Variants in VPS18 observed in about 807,000 individuals in gnomAD.
VPS18 encodes the protein vacuolar protein sorting-associated protein 18 homolog.
VPS18 carries 25 observed loss-of-function variants against 82.0 expected under a neutral mutation model. That is an observed-to-expected ratio of 0.30 (90% CI 0.22 to 0.43). The LOEUF (loss-of-function observed/expected upper bound fraction) is 0.43, where lower values mean the gene tolerates loss of function less well. Among genes scored for constraint, VPS18 ranks in the 20% least tolerant of loss-of-function variants. The pLI, the probability that VPS18 is intolerant of heterozygous loss-of-function variation, is 1.00. For missense variants in VPS18, 1,168 were observed against 1,311.1 expected (o/e 0.89, Z 1.69); for synonymous variants, 523 against 543.0 (o/e 0.96, Z 0.51).
chr15:40,897,415 C>T (rs1892247868), intron 2 of VPS18, among the ~76,000 whole-genome samples: 1 of 151,900 alleles, frequency 6.6e-6, no homozygotes, highest in African/African-American at 2.4e-5. Flanking sequence ...AGAAAATTTA[C>T]AAATTAAGAC....
chr15:40,901,142 C>T lies in VPS18; in HGVS notation c.2196+128C>T, dbSNP rs553447217. The stretch of plus-strand genomic sequence containing the variant: ...CCTTGCAGAGAGGGAAGGTTAAGAG[C>T]ATGGACTGTTAAGTCAGATTTGAAT... On this transcript the variant is annotated intron_variant, in intron 4 of 4. Coordinates refer to ENST00000220509, the MANE Select transcript of VPS18 (RefSeq NM_020857.3). 4 of 972,276 alleles carry T rather than the reference C, an allele frequency of 4.1e-6. No individual in the cohort carries two copies. In the East Asian group the frequency reaches 7.9e-5, roughly 19 times the overall value. 60.2% of individuals were successfully genotyped at this position (972,276 alleles called of 1,614,324 possible).
At position 40,896,060 on chromosome 15, in the gene VPS18, G is replaced by A. The variant is rs914477246; in HGVS notation, c.214G>A (p.Gly72Ser). 16 of 1,614,074 alleles carry A rather than the reference G, an allele frequency of 9.9e-6. No homozygotes were observed. The highest frequency in any genetic ancestry group is 1.4e-5 in the Non-Finnish European group (16 of 1,180,050). ...CAGCAATCAGCTGTGCATGAGCCTGGGCAAGGATACACTGCTCCGGTAATC... is the reference window on the plus strand; with the variant it reads ...CAGCAATCAGCTGTGCATGAGCCTGAGCAAGGATACACTGCTCCGGTAATC... ...VSSNQLCMSL[G>S]KDTLLRIDLG... The change falls in exon 2 of 5, where the codon GGC (glycine) becomes AGC (serine). Residue 72 changes from glycine (G) to serine (S), a missense_variant. Around this residue, in one of 3 missense-constraint regions of VPS18, gnomAD observed 868 missense variants for 939.8 expected, o/e 0.92. Coordinates refer to ENST00000220509, the MANE Select transcript of VPS18 (RefSeq NM_020857.3).
rs559667901 is a variant in VPS18 at position 40,898,233 on chromosome 15, C to T, written c.234-674C>T. Among the ~76,000 whole-genome samples the T allele has an allele frequency of 3.8e-4, 58 of 151,694 alleles. 1 individual carries two copies. Among genetic ancestry groups the T allele is most frequent in the Admixed American group, 2.0e-4 (3 of 15,252 alleles). ...CCTCCCAAAGTGCTGGGATTACAGGCGTGAGCCACCGCGCCCGGCCTTTTT... is the reference window on the plus strand; with the variant it reads ...CCTCCCAAAGTGCTGGGATTACAGGTGTGAGCCACCGCGCCCGGCCTTTTT... On this transcript the variant is annotated intron_variant, in intron 2 of 4. Coordinates refer to ENST00000220509, the MANE Select transcript of VPS18 (RefSeq NM_020857.3).
Position 40,894,734 on chromosome 15 carries a change from C to T in VPS18, c.-35C>T, listed in dbSNP as rs1291651523. 1 of 1,532,760 alleles carries T rather than the reference C, an allele frequency of 6.5e-7. No individual in the cohort carries two copies. Among genetic ancestry groups the T allele is most frequent in the Admixed American group, 2.0e-5 (1 of 49,400 alleles). 94.9% of individuals were successfully genotyped at this position (1,532,760 alleles called of 1,614,324 possible). The stretch of plus-strand genomic sequence containing the variant: ...GGGGGGGTAGCCCTTTTGTAATCCC[C>T]AGGCCCCGGACAAAGAGCCCAGAGG... On this transcript the variant is annotated 5_prime_UTR_variant, in exon 1 of 5. Coordinates refer to ENST00000220509, the MANE Select transcript of VPS18 (RefSeq NM_020857.3).
chr15:40,901,706 G>A (rs1028314102), intron 4 of VPS18, among the ~76,000 whole-genome samples: 7 of 152,150 alleles, frequency 4.6e-5, no homozygotes, highest in Non-Finnish European at 1.0e-4. Context: ...AGGAGTTCGA[G>A]ACCAGCCTGG....
Position 40,899,581 on chromosome 15 carries a change from C to G in VPS18, c.763C>G (p.Pro255Ala). The G allele has an allele frequency of 6.2e-7, 1 of 1,608,490 alleles. No individual in the cohort carries two copies. Among genetic ancestry groups the G allele is most frequent in the Non-Finnish European group, 8.5e-7 (1 of 1,180,014 alleles). ...SGLFAAYTDH[P>A]PPFREFPSNL... ...GCTCTTTGCAGCTTACACGGACCAC[C>G]CACCCCCATTCCGTGAGTTTCCCAG... is the stretch of plus-strand genomic sequence containing the variant. The change falls in exon 4 of 5, where the codon CCA becomes GCA. Residue 255 changes from proline to alanine, a missense_variant. Physicochemically the swap from Pro to Ala is conservative, Grantham distance 27 (BLOSUM62 -1). This residue lies in a region of VPS18 where 868 missense variants were observed against 939.8 expected (regional missense o/e 0.92). Coordinates refer to ENST00000220509, the MANE Select transcript of VPS18 (RefSeq NM_020857.3). The surrounding 1 kb of genome is among the most constrained non-coding windows in gnomAD (Gnocchi z 4.4).
chr15:40,896,136 T>C, intron 2 of VPS18, 57 bp downstream of exon 2: 8 of 1,600,952 alleles, frequency 5.0e-6, no homozygotes, highest in Non-Finnish European at 6.8e-6. Context: ...TTGGGGACTG[T>C]TAACTCACTG....
rs781369670 is a variant in VPS18, at chr15:40,899,310, T to C, written c.492T>C (p.Thr164=). ...ESSTGPILVG[T]AQGHIFEAEL... ...GCACAGGCCCCATCCTGGTCGGGACTGCCCAAGGCCACATCTTTGAAGCAG... is the reference window on the plus strand; with the variant it reads ...GCACAGGCCCCATCCTGGTCGGGACCGCCCAAGGCCACATCTTTGAAGCAG... The change falls in exon 4 of 5, where the codon ACT becomes ACC. Residue 164 remains threonine (T), a synonymous_variant. Coordinates refer to ENST00000220509, the MANE Select transcript of VPS18 (RefSeq NM_020857.3). This position sits in a 1 kb window ranked among gnomAD's most constrained non-coding sequence, Gnocchi z 4.4. The C allele has an allele frequency of 9.5e-5, 154 of 1,614,076 alleles. No homozygotes were observed. The highest frequency in any genetic ancestry group is 1.6e-4 in the Middle Eastern group (1 of 6,084).
chr15:40,894,511 A>T lies in VPS18; in HGVS notation c.-258A>T. Reference sequence around the variant, plus strand: ...TGGCACCGGCTGAAGGGAGCCTGTGATTTTTTTGTAGCGGGGGCGGGGAGT... The same window carrying T: ...TGGCACCGGCTGAAGGGAGCCTGTGTTTTTTTTGTAGCGGGGGCGGGGAGT... On this transcript the variant is annotated 5_prime_UTR_variant, in exon 1 of 5. Transcript: ENST00000220509. 2.6e-6 allele frequency: 1 copy of T among 377,466 alleles called. No homozygotes were observed. The highest frequency in any genetic ancestry group is 4.7e-6 in the Non-Finnish European group (1 of 211,098). The allele number at this position is 377,466 out of a possible 1,614,324, so 23.4% of individuals were successfully genotyped here. A position where few individuals can be genotyped will look rare whatever the true frequency, so the allele number is the denominator to read the frequency against.
rs997581661 is a variant in VPS18, at chr15:40,895,996, C to G, written c.150C>G (p.Asp50Glu). Residue 50 changes from aspartate to glutamate, a missense_variant, in exon 2 of 5, where the codon GAC becomes GAG. Asp to Glu is a conservative substitution (Grantham distance 45, BLOSUM62 2). This residue lies in a region of VPS18 where 868 missense variants were observed against 939.8 expected (regional missense o/e 0.92). Transcript: ENST00000220509. The stretch of plus-strand genomic sequence containing the variant: ...CCATCTTCACAAAGCAGCGCATTGA[C>G]TTCACCCCTTCCGAGCGCATTACCA... ...EVPIFTKQRI[D>E]FTPSERITSL... 5 of 1,614,180 alleles carry G rather than the reference C, an allele frequency of 3.1e-6. No individual in the cohort carries two copies. The highest frequency in any genetic ancestry group is 2.5e-6 in the Non-Finnish European group (3 of 1,180,042).
rs147751220 is a variant in VPS18 at position 40,900,570 on chromosome 15, C to T, written c.1752C>T (p.Ala584=). 1,834 of 1,613,866 alleles carry T rather than the reference C, an allele frequency of 1.1e-3. 22 individuals are homozygous for T. The South Asian group carries it at 0.013, about 11-fold the overall frequency. ...ACGAGGCCTACGAGGAGGCCCTGGC[C>T]GTGCTCGCCCGCCACCGTGACCCCC... is the stretch of plus-strand genomic sequence containing the variant. The part of the protein sequence containing the change: ...CQHEAYEEAL[A]VLARHRDPQL... The change falls in exon 4 of 5, where the codon GCC becomes GCT. Residue 584 remains alanine (A), a synonymous_variant. Coordinates refer to ENST00000220509, the MANE Select transcript of VPS18 (RefSeq NM_020857.3). This position sits in a 1 kb window ranked among gnomAD's most constrained non-coding sequence, Gnocchi z 5.4.
At position 40,894,831 on chromosome 15, in the gene VPS18, C is replaced by T. The variant is rs1892201216; in HGVS notation, c.63C>T (p.Gly21=). The change falls in exon 1 of 5, where the codon GGC becomes GGT. Residue 21 remains glycine, a synonymous_variant. Coordinates refer to ENST00000220509, the MANE Select transcript of VPS18 (RefSeq NM_020857.3). ...SLSRSAVLQP[G]CPSVGIPHSG... ...CCCGCTCGGCCGTCTTGCAGCCCGG[C>T]TGCCCTAGCGTGGGCATCCCCCACT... The T allele has an allele frequency of 6.4e-7, 1 of 1,554,878 alleles. No individual in the cohort carries two copies. Among genetic ancestry groups the T allele is most frequent in the Admixed American group, 1.9e-5 (1 of 51,538 alleles).
At chr15:40,895,184 C>A (rs1053845567) in intron 1 of VPS18, among the ~76,000 whole-genome samples, 2 of 152,276 alleles carry the variant, frequency 1.3e-5, no homozygotes, top group South Asian at 4.1e-4. Context: ...TCTGCTGATG[C>A]TTTTCCCACC....
chr15:40,895,812 A>G, intron 1 of VPS18, 126 bp from the exon 2 acceptor site: 1 of 1,329,346 alleles, frequency 7.5e-7, no homozygotes, highest in Non-Finnish European at 1.0e-6. Flanking sequence ...CTATTTGTTA[A>G]CCAAGGTCCT....
rs576815219 is a variant in VPS18 at position 40,900,768 on chromosome 15, G to C, written c.1950G>C (p.Glu650Asp). ...QQVSQAIRYM[E>D]FCVNVLGETE... Reference sequence around the variant, plus strand: ...TGAGCCAGGCCATCCGCTACATGGAGTTCTGCGTGAACGTGCTGGGGGAGA... The same window carrying C: ...TGAGCCAGGCCATCCGCTACATGGACTTCTGCGTGAACGTGCTGGGGGAGA... Residue 650 changes from glutamate (E) to aspartate (D), a missense_variant, in exon 4 of 5, where the codon GAG becomes GAC. Transcript: ENST00000220509. This position sits in a 1 kb window ranked among gnomAD's most constrained non-coding sequence, Gnocchi z 5.4. 2 of 1,614,118 alleles carry C rather than the reference G, an allele frequency of 1.2e-6. No homozygotes were observed. The highest frequency in any genetic ancestry group is 1.7e-6 in the Non-Finnish European group (2 of 1,180,056).
intron 4 of VPS18, among the ~76,000 whole-genome samples, chr15:40,901,754 A>C (rs1340857489): frequency 6.6e-6 from 1 of 151,456 alleles, no homozygotes; most frequent in East Asian, 1.9e-4. Flanking sequence ...GAAAATACAA[A>C]AGTTAGCTGG....
rs765644390 is a variant in VPS18 at position 40,903,062 on chromosome 15, G to A, written c.2643G>A (p.Gln881=). Residue 881 remains glutamine (Q), a synonymous_variant, in exon 5 of 5, where the codon CAG becomes CAA. Transcript: ENST00000220509. ...GHMFHADCLL[Q]AVRPGLPAYK... ...TGTTCCATGCTGACTGCCTGCTGCA[G>A]GCTGTGCGACCTGGCCTGCCAGCCT... 11 of 1,614,096 alleles carry A rather than the reference G, an allele frequency of 6.8e-6. No individual in the cohort carries two copies. The South Asian group carries it at 1.2e-4, about 18-fold the overall frequency.
At position 40,896,094 on chromosome 15, in the gene VPS18, A is replaced by G. The variant is rs1210360153; in HGVS notation, c.233+15A>G. 1 of 1,614,170 alleles carries G rather than the reference A, an allele frequency of 6.2e-7. No individual in the cohort carries two copies. The highest frequency in any genetic ancestry group is 1.6e-4 in the Middle Eastern group (1 of 6,062). On this transcript the variant is annotated intron_variant, in intron 2 of 4. Transcript: ENST00000220509. ...ACACTGCTCCGGTAATCAAGAGCTC[A>G]CAGAGCTTAGGAGTAGGGACTAGAG...
chr15:40,898,427 T>G (rs903565868), intron 2 of VPS18, among the ~76,000 whole-genome samples: 5 of 151,916 alleles, frequency 3.3e-5, no homozygotes, highest in Admixed American at 6.6e-5. Context: ...GCCCTGTATA[T>G]TTTTCAGGGC....
Sources: gnomAD v4.1 joint callset for allele counts (sites outside exome capture counted in the v4.1 genomes callset) on GRCh38, gnomAD v4.1.1 for gene constraint, gnomAD v4.1.1 regional missense constraint, Gnocchi (gnomAD v3.1) non-coding constraint, MANE v1.5 for transcripts, NCBI Gene and HGNC (gene_info 2026-07-23, HGNC 2026-07-21) for gene names.